Variants in SNTG1 observed in about 807,000 individuals in gnomAD.
SNTG1 encodes the protein gamma-1-syntrophin.
Under a neutral mutation model 74.7 loss-of-function variants are expected in SNTG1, and 39 were observed. That is an observed-to-expected ratio of 0.52 (90% CI 0.40 to 0.68). The LOEUF (loss-of-function observed/expected upper bound fraction) is 0.68. SNTG1 is among the 30% of genes least tolerant of loss of function. The probability of loss-of-function intolerance (pLI) is 0.00; values close to 1 mark genes in which losing one functional copy is unlikely to be tolerated. For synonymous variants in SNTG1, 254 were observed against 217.1 expected, an observed-to-expected ratio of 1.17 and a Z score of -1.49; for missense variants, 685 against 609.5, an observed-to-expected ratio of 1.12 and a Z score of -1.30.
At chr8:50,620,844 C>G (rs1427327039) in intron 13 of SNTG1, among the ~76,000 whole-genome samples, 2 of 151,936 alleles carry the variant, frequency 1.3e-5, no homozygotes, top group African/African-American at 4.8e-5. Context: ...GTGGAGCAAC[C>G]CTGTTCAGAG....
At chr8:50,256,896 T>G (rs569324454) in intron 2 of SNTG1, among the ~76,000 whole-genome samples, 1 of 152,128 alleles carries the variant, frequency 6.6e-6, no homozygotes, top group African/African-American at 2.4e-5. Context: ...TTAATCAGAA[T>G]AACAATAATC....
At chr8:50,252,211 G>T (rs1005544924) in intron 2 of SNTG1, among the ~76,000 whole-genome samples, 1 of 151,962 alleles carries the variant, frequency 6.6e-6, no homozygotes, top group African/African-American at 2.4e-5. Flanking sequence ...AACAAAAGCA[G>T]TTCTATAAGA....
At position 50,402,325 on chromosome 8, in the gene SNTG1, G is replaced by C. The variant is rs775128982; in HGVS notation, c.143G>C (p.Gly48Ala). 6.2e-7 allele frequency: 1 copy of C among 1,606,604 alleles called. No homozygotes were observed. Among genetic ancestry groups the C allele is most frequent in the Non-Finnish European group, 8.5e-7 (1 of 1,178,254 alleles). The change falls in exon 4 of 19, where the codon GGT becomes GCT. Residue 48 changes from glycine (G) to alanine (A), a missense_variant. Coordinates refer to ENST00000642720, the MANE Select transcript of SNTG1 (RefSeq NM_018967.5). ...GAACAGGATGTGATATGTGTGTCTGGTGAGCCTTTCTATTCTGGTGTAAGT... is the reference window on the plus strand; with the variant it reads ...GAACAGGATGTGATATGTGTGTCTGCTGAGCCTTTCTATTCTGGTGTAAGT... ...IQEQDVICVS[G>A]EPFYSGERTV...
Position 50,536,781 on chromosome 8 carries a change from A to T in SNTG1, c.653A>T (p.Gln218Leu). ...CCTCTACTTCATTCGCGCTTCTCTC[A>T]GTATGTGCCCGGCACAGATTTGAGT... ...LIPLLHSRFS[Q>L]YVPGTDLSRQ... The change falls in exon 11 of 19, where the codon CAG becomes CTG. Residue 218 changes from glutamine (Q) to leucine (L), a missense_variant. Coordinates refer to ENST00000642720, the MANE Select transcript of SNTG1 (RefSeq NM_018967.5). 1.2e-6 allele frequency: 2 copies of T among 1,614,026 alleles called. No homozygotes were observed. Among genetic ancestry groups the T allele is most frequent in the Non-Finnish European group, 1.7e-6 (2 of 1,179,872 alleles).
At chr8:50,203,930 C>T (rs145835404) in intron 2 of SNTG1, among the ~76,000 whole-genome samples, 15 of 152,038 alleles carry the variant, frequency 9.9e-5, no homozygotes, top group Non-Finnish European at 1.5e-4. Flanking sequence ...TTTTTTCAAC[C>T]TAAAAGTTAT....
At chr8:50,658,787 A>G (rs939206258) in intron 15 of SNTG1, 124 bp downstream of exon 15, 7 of 633,686 alleles carry the variant, frequency 1.1e-5, no homozygotes, top group Non-Finnish European at 1.4e-5. Context: ...ATAAAGACAA[A>G]TGAAAGAGAA....
intron 15 of SNTG1, among the ~76,000 whole-genome samples, chr8:50,660,094 C>T (rs1376260734): frequency 1.3e-5 from 2 of 152,020 alleles, no homozygotes; most frequent in Non-Finnish European, 2.9e-5. Flanking sequence ...CCTACCTCCG[C>T]CTCCCAAAGT....
chr8:50,425,758 TGAAA>T (rs1563369691), intron 4 of SNTG1, among the ~76,000 whole-genome samples: 2 of 152,068 alleles, frequency 1.3e-5, no homozygotes, highest in African/African-American at 4.8e-5. Context: ...CTGAATTATA[TGAAA>T]GAAAGGTCAA....
rs761819933 is a variant in SNTG1, at chr8:50,165,744, G to A, written c.-102-6817G>A. On this transcript the variant is annotated intron_variant, in intron 1 of 18. Transcript: ENST00000642720. Reference sequence around the variant, plus strand: ...AACCTTAGTGGTTCCTAAAAAGATCGAGATATATGTTGATACATACATTTG... The same window carrying A: ...AACCTTAGTGGTTCCTAAAAAGATCAAGATATATGTTGATACATACATTTG... Among the ~76,000 whole-genome samples, 111 of 152,226 alleles carry A rather than the reference G, an allele frequency of 7.3e-4. 1 individual carries two copies. Among genetic ancestry groups the A allele is most frequent in the Admixed American group, 2.9e-3 (45 of 15,282 alleles).
chr8:50,556,573 T>G (rs2094456653), intron 12 of SNTG1, among the ~76,000 whole-genome samples: 1 of 152,226 alleles, frequency 6.6e-6, no homozygotes, highest in African/African-American at 2.4e-5. Flanking sequence ...AGTTATCAAT[T>G]TTTATTTCCA....
intron 1 of SNTG1, among the ~76,000 whole-genome samples, chr8:49,931,162 A>G (rs1205721701): frequency 6.6e-6 from 1 of 152,228 alleles, no homozygotes; most frequent in Non-Finnish European, 1.5e-5. Context: ...CAAAATTACT[A>G]AATGTAACAA....
intron 12 of SNTG1, among the ~76,000 whole-genome samples, chr8:50,564,353 T>C (rs537662629): frequency 2.0e-5 from 3 of 152,254 alleles, no homozygotes; most frequent in African/African-American, 7.2e-5. Flanking sequence ...TATAAACATA[T>C]ATAGAAAACA....
rs1802777812 is a variant in SNTG1, at chr8:50,795,661, A to G, written c.*2832A>G. 2 of 152,134 alleles carry G rather than the reference A, an allele frequency of 1.3e-5. No individual in the cohort carries two copies. Among genetic ancestry groups the G allele is most frequent in the African/African-American group, 4.8e-5 (2 of 41,540 alleles). The allele number at this position is 152,134 out of a possible 1,614,324, so 9.4% of individuals were successfully genotyped here. A position where few individuals can be genotyped will look rare whatever the true frequency, so the allele number is the denominator to read the frequency against. ...AAGCTTAATGGAGAATATTGTAGGT[A>G]TTTAGGTCAGAGAATGAAGTTCAAA... is the stretch of plus-strand genomic sequence containing the variant. On this transcript the variant is annotated 3_prime_UTR_variant, in exon 19 of 19. Coordinates refer to ENST00000642720, the MANE Select transcript of SNTG1 (RefSeq NM_018967.5).
intron 13 of SNTG1, among the ~76,000 whole-genome samples, chr8:50,595,235 T>C (rs1011732291): frequency 1.3e-5 from 2 of 152,100 alleles, no homozygotes; most frequent in African/African-American, 4.8e-5. Flanking sequence ...AGCCTGTTTT[T>C]GTTCTGGTCT....
chr8:50,510,961 T>G (rs1007691190), intron 9 of SNTG1, among the ~76,000 whole-genome samples: 2 of 152,222 alleles, frequency 1.3e-5, no homozygotes, highest in African/African-American at 4.8e-5. Context: ...CTGCTAACTA[T>G]TGAATGTGTT....
chr8:50,153,817 G>T (rs139789036), intron 1 of SNTG1, among the ~76,000 whole-genome samples: 1,796 of 152,274 alleles, frequency 0.012, 21 homozygotes, highest in Non-Finnish European at 0.018. Context: ...GCCCCCTACT[G>T]GGGGGTGCCT....
chr8:50,035,941 G>T (rs1471611522), intron 1 of SNTG1, among the ~76,000 whole-genome samples: 1 of 151,970 alleles, frequency 6.6e-6, no homozygotes, highest in East Asian at 1.9e-4. Flanking sequence ...GGCCAGGTTT[G>T]GGTTCATTTC....
chr8:50,762,877 A>AT (rs1348524090), intron 18 of SNTG1: 4 of 303,006 alleles, frequency 1.3e-5, no homozygotes, highest in Non-Finnish European at 2.7e-5. Context: ...TGCCTTAGCT[A>AT]TTTTTAAATG....
chr8:50,770,169 T>G (rs1189934244), intron 18 of SNTG1, among the ~76,000 whole-genome samples: 1 of 152,132 alleles, frequency 6.6e-6, no homozygotes, highest in Non-Finnish European at 1.5e-5. Context: ...TACTGTGCCT[T>G]AGGCATTTTA....
Sources: allele counts gnomAD v4.1 joint callset (sites outside exome capture counted in the v4.1 genomes callset), GRCh38; gene constraint gnomAD v4.1.1; transcripts MANE v1.5; gene names NCBI Gene and HGNC (gene_info 2026-07-23, HGNC 2026-07-21).